The following KCNAB1 variants were observed in gnomAD, a reference collection of about 807,000 sequenced individuals.
KCNAB1 encodes voltage-gated potassium channel subunit beta-1.
KCNAB1 carries 35 observed loss-of-function variants against 64.6 expected under a neutral mutation model. That is an observed-to-expected ratio of 0.54 (90% CI 0.41 to 0.72). KCNAB1 has a LOEUF of 0.72. KCNAB1 is among the 30% of genes least tolerant of loss of function. The pLI is 0.00. For synonymous variants in KCNAB1, 177 were observed against 183.8 expected (o/e 0.96, Z 0.30); for missense variants, 401 against 512.9 (o/e 0.78, Z 2.11).
At chr3:156,413,872 C>T (rs1271422857) in intron 1 of KCNAB1, among the ~76,000 whole-genome samples, 2 of 152,174 alleles carry the variant, frequency 1.3e-5, no homozygotes, top group African/African-American at 2.4e-5. Context: ...GAAATAATCT[C>T]GTACACAATA....
At chr3:156,273,421 C>A (rs1160071167) in intron 1 of KCNAB1, 3 of 353,540 alleles carry the variant, frequency 8.5e-6, no homozygotes, top group Non-Finnish European at 1.7e-5. Context: ...TCCCCTCTGG[C>A]TAGGCCTGGT....
At chr3:156,181,327 T>C (rs1269312793) in intron 1 of KCNAB1, among the ~76,000 whole-genome samples, 1 of 152,020 alleles carries the variant, frequency 6.6e-6, no homozygotes, top group African/African-American at 2.4e-5. Flanking sequence ...CAGCGTGAAA[T>C]GCATTTGGGG....
At chr3:156,325,898 TCTC>T (rs983365999) in intron 1 of KCNAB1, among the ~76,000 whole-genome samples, 6 of 152,098 alleles carry the variant, frequency 3.9e-5, no homozygotes, top group African/African-American at 9.7e-5. Context: ...AAAACAAACT[TCTC>T]CTCATATTTC....
intron 1 of KCNAB1, among the ~76,000 whole-genome samples, chr3:156,340,771 A>G (rs2108064675): frequency 6.6e-6 from 1 of 152,280 alleles, no homozygotes; most frequent in South Asian, 2.1e-4. Context: ...GAGGAGAGGA[A>G]ATGGGCTTTA....
chr3:156,331,201 C>G (rs1723305766), intron 1 of KCNAB1, among the ~76,000 whole-genome samples: 1 of 152,184 alleles, frequency 6.6e-6, no homozygotes, highest in African/African-American at 2.4e-5. Flanking sequence ...TAAAACTATA[C>G]TAAGATCCTT....
intron 1 of KCNAB1, among the ~76,000 whole-genome samples, chr3:156,197,823 G>C (rs577268285): frequency 6.6e-6 from 1 of 151,942 alleles, no homozygotes; most frequent in African/African-American, 2.4e-5. Flanking sequence ...GTTATTTCTT[G>C]TCTTCTGCTA....
At chr3:156,485,376 C>G (rs1715129511) in intron 8 of KCNAB1, among the ~76,000 whole-genome samples, 1 of 152,074 alleles carries the variant, frequency 6.6e-6, no homozygotes, top group South Asian at 2.1e-4. Context: ...CTCTCTTGTT[C>G]TTTGCCATTG....
chr3:156,536,690 T>C lies in KCNAB1; in HGVS notation c.1203T>C (p.Asn401=). 4 of 1,612,078 alleles carry C rather than the reference T, an allele frequency of 2.5e-6. No individual in the cohort carries two copies. In the South Asian group the frequency reaches 3.3e-5, roughly 13 times the overall value. Residue 401 remains asparagine, a synonymous_variant, in exon 14 of 14, where the codon AAT becomes AAC. Transcript: ENST00000490337. ...VLPKMTSHVV[N]EIDNILRNKP... is the part of the protein sequence containing the mutation. ...CAAAGATGACATCACATGTGGTAAA[T>C]GAGATTGATAACATACTGCGCAACA...
chr3:156,334,421 C>T (rs1396562146), intron 1 of KCNAB1, among the ~76,000 whole-genome samples: 1 of 152,008 alleles, frequency 6.6e-6, no homozygotes, highest in African/African-American at 2.4e-5. Context: ...CCTTCTCTTT[C>T]CTATCGGATC....
intron 1 of KCNAB1, among the ~76,000 whole-genome samples, chr3:156,363,239 G>T (rs1168629549): frequency 2.0e-5 from 3 of 152,160 alleles, no homozygotes; most frequent in Non-Finnish European, 4.4e-5. Context: ...TTGACAAGTG[G>T]TTATGCCTTA....
intron 1 of KCNAB1, among the ~76,000 whole-genome samples, chr3:156,380,227 A>G (rs1712047862): frequency 6.6e-6 from 1 of 152,170 alleles, no homozygotes; most frequent in Admixed American, 6.5e-5. Context: ...AGAGCAGAAA[A>G]CCAGGGTGAC....
intron 1 of KCNAB1, among the ~76,000 whole-genome samples, chr3:156,272,786 C>T (rs113881099): frequency 1.2e-4 from 19 of 152,118 alleles, no homozygotes; most frequent in African/African-American, 4.6e-4. Context: ...GGAATCTCTT[C>T]TCATAGCTGC....
rs1197453532 is a variant in KCNAB1, at chr3:156,508,528, A to G, written c.659-5836A>G. Among the ~76,000 whole-genome samples, 1 of 152,240 alleles carries G rather than the reference A, an allele frequency of 6.6e-6. No individual in the cohort carries two copies. The highest frequency in any genetic ancestry group is 1.5e-5 in the Non-Finnish European group (1 of 68,038). On this transcript the variant is annotated intron_variant, in intron 8 of 13. Coordinates refer to ENST00000490337, the MANE Select transcript of KCNAB1 (RefSeq NM_172160.3). The surrounding 1 kb of genome is among the most constrained non-coding windows in gnomAD (Gnocchi z 4.1). Reference sequence around the variant, plus strand: ...GTTGTATTAATTTCTTTGACATAAAATGCATATTTTTTAAAACATTGATGG... The same window carrying G: ...GTTGTATTAATTTCTTTGACATAAAGTGCATATTTTTTAAAACATTGATGG...
Position 156,452,725 on chromosome 3 carries a change from G to A in KCNAB1, c.320-174G>A, listed in dbSNP as rs1031917428. Among the ~76,000 whole-genome samples, 4 of 152,280 alleles carry A rather than the reference G, an allele frequency of 2.6e-5. No homozygotes were observed. Among genetic ancestry groups the A allele is most frequent in the Middle Eastern group, 3.4e-3 (1 of 294 alleles). ...AGACCCCTTCTGGAATACTTAGTGA[G>A]AAGAAGACAGACTAGACCAACTAGA... On this transcript the variant is annotated intron_variant, in intron 2 of 13. Coordinates refer to ENST00000490337, the MANE Select transcript of KCNAB1 (RefSeq NM_172160.3). The surrounding 1 kb of genome is among the most constrained non-coding windows in gnomAD (Gnocchi z 4.6).
upstream of KCNAB1, chr3:156,118,398 C>G (rs557116095): frequency 2.0e-4 from 88 of 436,514 alleles, no homozygotes; most frequent in Middle Eastern, 7.0e-3. Flanking sequence ...GCTGCATGGT[C>G]TTTCTGACTT....
intron 1 of KCNAB1, among the ~76,000 whole-genome samples, chr3:156,147,149 G>A (rs1000777080): frequency 6.6e-6 from 1 of 152,172 alleles, no homozygotes; most frequent in Non-Finnish European, 1.5e-5. Flanking sequence ...AGTTAGACCT[G>A]GATTTGGCTC....
chr3:156,360,163 A>C (rs187145072), intron 1 of KCNAB1, among the ~76,000 whole-genome samples: 4 of 152,360 alleles, frequency 2.6e-5, no homozygotes, highest in Non-Finnish European at 2.9e-5. Flanking sequence ...GTATATTACC[A>C]TATTCAAAAA....
intron 1 of KCNAB1, among the ~76,000 whole-genome samples, chr3:156,395,274 G>A (rs1185858135): frequency 2.0e-5 from 3 of 149,882 alleles, no homozygotes; most frequent in Non-Finnish European, 2.9e-5. Flanking sequence ...GGCCGGGCGC[G>A]GTGGCTCACG....
intron 1 of KCNAB1, among the ~76,000 whole-genome samples, chr3:156,333,159 C>T (rs1246339221): frequency 6.6e-6 from 1 of 152,138 alleles, no homozygotes; most frequent in Admixed American, 6.6e-5. Flanking sequence ...GGAGTAAATG[C>T]ACACACAGTG....
Sources: gnomAD v4.1 joint callset for allele counts (sites outside exome capture counted in the v4.1 genomes callset) on GRCh38, gnomAD v4.1.1 for gene constraint, Gnocchi (gnomAD v3.1) non-coding constraint, MANE v1.5 for transcripts, NCBI Gene and HGNC (gene_info 2026-07-23, HGNC 2026-07-21) for gene names.